The following MAGI1 variants were observed in gnomAD, a reference collection of about 807,000 sequenced individuals.
The protein encoded by MAGI1 is membrane-associated guanylate kinase, WW and PDZ domain-containing protein 1.
A neutral mutation model predicts 139.9 loss-of-function variants in MAGI1; 58 were observed. That is an observed-to-expected ratio of 0.41 (90% CI 0.34 to 0.52). The LOEUF (loss-of-function observed/expected upper bound fraction) is 0.52, where lower values mean the gene tolerates loss of function less well. Among genes scored for constraint, MAGI1 ranks in the 20% least tolerant of loss-of-function variants. MAGI1 has a pLI of 0.12. For missense variants in MAGI1, 1,874 were observed against 1,901.6 expected, an observed-to-expected ratio of 0.99 and a Z score of 0.27; for synonymous variants, 812 against 737.9, an observed-to-expected ratio of 1.10 and a Z score of -1.63.
Position 65,866,724 on chromosome 3 carries a change from C to T in MAGI1, c.313+171272G>A, listed in dbSNP as rs574951090. Among the ~76,000 whole-genome samples, 2 of 152,206 alleles carry T rather than the reference C, an allele frequency of 1.3e-5. 1 individual carries two copies. The highest frequency in any genetic ancestry group is 4.2e-4 in the South Asian group (2 of 4,816). On this transcript the variant is annotated intron_variant, in intron 1 of 22. Transcript: ENST00000402939. Reference sequence around the variant, plus strand: ...TGTCACCTCCCCTCATCCCAGAGGTCTAAACTTCTGTCTTCTAAGTTTGAT... The same window carrying T: ...TGTCACCTCCCCTCATCCCAGAGGTTTAAACTTCTGTCTTCTAAGTTTGAT...
chr3:65,474,612 T>TACACACAC (rs60798256), intron 4 of MAGI1, among the ~76,000 whole-genome samples: 1,600 of 150,734 alleles, frequency 0.011, 25 homozygotes, highest in South Asian at 0.071. Context: ...CAAGCTTTTA[T>TACACACAC]ACACACACAC....
In MAGI1 at chr3:65,356,858, T is replaced by C; in HGVS notation, c.3909A>G (p.Gly1303=). The change falls in exon 23 of 23, where the codon GGA becomes GGG. Residue 1303 remains glycine, a synonymous_variant. Coordinates refer to ENST00000402939, the MANE Select transcript of MAGI1 (RefSeq NM_001033057.2). ...ACRPKDRAPE[G]RRDAQAERAA... Reference sequence around the variant, plus strand: ...CGCGCTCGGCCTGCGCGTCCCTCCGTCCCTCCGGCGCCCGGTCCTTGGGTC... The same window carrying C: ...CGCGCTCGGCCTGCGCGTCCCTCCGCCCCTCCGGCGCCCGGTCCTTGGGTC... 1 of 1,614,016 alleles carries C rather than the reference T, an allele frequency of 6.2e-7. No individual in the cohort carries two copies. Among genetic ancestry groups the C allele is most frequent in the East Asian group, 2.2e-5 (1 of 44,858 alleles).
chr3:65,618,099 A>G (rs2083467389), intron 2 of MAGI1, among the ~76,000 whole-genome samples: 2 of 152,210 alleles, frequency 1.3e-5, no homozygotes, highest in African/African-American at 2.4e-5. Flanking sequence ...AAGACTGTGA[A>G]CTGGTCAGAT....
At chr3:65,796,052 A>AG (rs1294150933) in intron 1 of MAGI1, among the ~76,000 whole-genome samples, 1 of 63,016 alleles carries the variant, frequency 1.6e-5, no homozygotes, top group East Asian at 5.5e-4. Context: ...CTCTGTCTCA[A>AG]AAAAAAAAAA....
rs192231409 is a variant in MAGI1, at chr3:65,916,539, T to C, written c.313+121457A>G. On this transcript the variant is annotated intron_variant, in intron 1 of 22. Transcript: ENST00000402939. Reference sequence around the variant, plus strand: ...AAACCCCTTATAAAACCATCAGATATTGTGAGACTTTTTCACTACCACAAG... The same window carrying C: ...AAACCCCTTATAAAACCATCAGATACTGTGAGACTTTTTCACTACCACAAG... Among the ~76,000 whole-genome samples, 137 of 152,202 alleles carry C rather than the reference T, an allele frequency of 9.0e-4. 1 individual carries two copies. The highest frequency in any genetic ancestry group is 1.7e-3 in the Non-Finnish European group (119 of 68,006).
chr3:65,453,776 A>G (rs1158861352), intron 5 of MAGI1, among the ~76,000 whole-genome samples: 1 of 152,164 alleles, frequency 6.6e-6, no homozygotes, highest in Non-Finnish European at 1.5e-5. Flanking sequence ...ATTATATTAC[A>G]TAAGAATTCT....
chr3:66,015,871 A>T (rs1226921307), intron 1 of MAGI1, among the ~76,000 whole-genome samples: 1 of 152,210 alleles, frequency 6.6e-6, no homozygotes, highest in African/African-American at 2.4e-5. Flanking sequence ...GGATCACTTA[A>T]TTGCTCTATC....
At chr3:65,890,309 G>A (rs909345004) in intron 1 of MAGI1, among the ~76,000 whole-genome samples, 5 of 152,170 alleles carry the variant, frequency 3.3e-5, no homozygotes, top group Non-Finnish European at 7.3e-5. Flanking sequence ...AGCTTGCAGT[G>A]AGCAGAGATA....
At chr3:65,733,069 T>G (rs2034349988) in intron 1 of MAGI1, among the ~76,000 whole-genome samples, 2 of 152,166 alleles carry the variant, frequency 1.3e-5, no homozygotes, top group South Asian at 2.1e-4. Context: ...TTGTTTGTTT[T>G]TTTTGAGATG....
chr3:65,359,369 T>C, intron 22 of MAGI1: 1 of 1,356,246 alleles, frequency 7.4e-7, no homozygotes, highest in Non-Finnish European at 9.5e-7. Context: ...GTGACATTTT[T>C]AGACAGCCAT....
At chr3:65,836,295 T>G (rs2042800712) in intron 1 of MAGI1, among the ~76,000 whole-genome samples, 1 of 152,228 alleles carries the variant, frequency 6.6e-6, no homozygotes, top group Non-Finnish European at 1.5e-5. Flanking sequence ...TAAACCACTC[T>G]ACTCAGTGAT....
intron 1 of MAGI1, among the ~76,000 whole-genome samples, chr3:65,778,403 C>G (rs2107989339): frequency 7.8e-6 from 1 of 128,492 alleles, no homozygotes; most frequent in South Asian, 2.3e-4. Context: ...GCATTCCAGC[C>G]TGGGCAACAA....
chr3:65,447,309 T>C (rs1489669966), intron 7 of MAGI1, among the ~76,000 whole-genome samples: 1 of 152,234 alleles, frequency 6.6e-6, no homozygotes, highest in Non-Finnish European at 1.5e-5. Context: ...TAATTCAATA[T>C]ATTCCAATAG....
intron 1 of MAGI1, among the ~76,000 whole-genome samples, chr3:65,806,765 T>C (rs1303159142): frequency 6.6e-6 from 1 of 152,218 alleles, no homozygotes; most frequent in Non-Finnish European, 1.5e-5. Flanking sequence ...CTGATCTAAA[T>C]ATACCATGCC....
chr3:65,399,765 TG>T (rs1471993302), intron 13 of MAGI1, among the ~76,000 whole-genome samples: 1 of 152,232 alleles, frequency 6.6e-6, no homozygotes, highest in African/African-American at 2.4e-5. Flanking sequence ...AATACCTATT[TG>T]ATAGCCTTTG....
chr3:65,693,275 C>T (rs2088842652), intron 1 of MAGI1, among the ~76,000 whole-genome samples: 1 of 152,048 alleles, frequency 6.6e-6, no homozygotes, highest in Non-Finnish European at 1.5e-5. Context: ...TTATAAATTA[C>T]CCAGTCTCAG....
intron 1 of MAGI1, among the ~76,000 whole-genome samples, chr3:65,749,710 T>TAAA (rs11328627): frequency 3.9e-4 from 52 of 134,818 alleles, no homozygotes; most frequent in African/African-American, 1.2e-3. Flanking sequence ...TAGTCTGAGT[T>TAAA]AAAAAAAAAA....
chr3:66,002,195 G>T (rs936224930), intron 1 of MAGI1, among the ~76,000 whole-genome samples: 2 of 152,232 alleles, frequency 1.3e-5, no homozygotes, highest in South Asian at 4.1e-4. Context: ...TTTTAAATTC[G>T]CATTTTCAGA....
At chr3:65,881,161 C>T (rs775669165) in intron 1 of MAGI1, among the ~76,000 whole-genome samples, 1 of 152,078 alleles carries the variant, frequency 6.6e-6, no homozygotes, top group Non-Finnish European at 1.5e-5. Flanking sequence ...GCTGGGATTA[C>T]AGAAATGAGC....
Sources: gnomAD v4.1 joint callset for allele counts (sites outside exome capture counted in the v4.1 genomes callset) on GRCh38, gnomAD v4.1.1 for gene constraint, MANE v1.5 for transcripts, NCBI Gene and HGNC (gene_info 2026-07-23, HGNC 2026-07-21) for gene names.